The following PLA2G4C variants were observed in gnomAD, a reference collection of about 807,000 sequenced individuals.
PLA2G4C encodes cytosolic phospholipase A2 gamma.
PLA2G4C carries 64 observed loss-of-function variants against 73.8 expected under a neutral mutation model. That is an observed-to-expected ratio of 0.87 (90% CI 0.71 to 1.07). PLA2G4C has a LOEUF of 1.07. Among genes scored for constraint, PLA2G4C ranks in the 50% least tolerant of loss-of-function variants. The probability of loss-of-function intolerance (pLI) is 0.00; values close to 1 mark genes in which losing one functional copy is unlikely to be tolerated. For synonymous variants in PLA2G4C, 254 were observed against 252.1 expected (o/e 1.01, Z -0.07); for missense variants, 622 against 665.4 (o/e 0.93, Z 0.72).
At chr19:48,065,670 G>C (rs1349901225) in intron 13 of PLA2G4C, among the ~76,000 whole-genome samples, 2 of 152,066 alleles carry the variant, frequency 1.3e-5, no homozygotes, top group Non-Finnish European at 2.9e-5. Context: ...TTGGCTATTG[G>C]TTTAAAGAGT....
chr19:48,104,613 G>GGTA lies in PLA2G4C; in HGVS notation c.229_231dup (p.Tyr77dup). ...CAAGTGGATCCAGAGACCCCTGCGA[G>GGTA]GTACGTGACGGCATCCAACAGGCCC... is the stretch of plus-strand genomic sequence containing the variant. On this transcript the variant is annotated inframe_insertion, in exon 4 of 17. Coordinates refer to ENST00000599921, the MANE Select transcript of PLA2G4C (RefSeq NM_003706.3). The GGTA allele has an allele frequency of 6.2e-7, 1 of 1,614,068 alleles. No individual in the cohort carries two copies.
Position 48,087,529 on chromosome 19 carries a change from G to A in PLA2G4C, c.790+1157C>T, listed in dbSNP as rs527976435. ...TTCCTACAGATGAAAAGAGGTGCCCGTCTGATCTGAATAGCTGGAGCACTG... is the reference window on the plus strand; with the variant it reads ...TTCCTACAGATGAAAAGAGGTGCCCATCTGATCTGAATAGCTGGAGCACTG... On this transcript the variant is annotated intron_variant, in intron 9 of 16. Coordinates refer to ENST00000599921, the MANE Select transcript of PLA2G4C (RefSeq NM_003706.3). 1.3e-4 allele frequency among the ~76,000 whole-genome samples: 20 copies of A among 152,280 alleles called. No individual in the cohort carries two copies. The East Asian group carries it at 3.7e-3, about 28-fold the overall frequency.
At position 48,099,754 on chromosome 19, in the gene PLA2G4C, T is replaced by C; in HGVS notation, c.364A>G (p.Lys122Glu). ...QEWDLAKSLQKTIQAARSENY... is the reference protein window; with the variant it reads ...QEWDLAKSLQETIQAARSENY... Reference sequence around the variant, plus strand: ...TCAGACCTCGCTGCTTGGATGGTTTTCTGTAGGCTCTTAGCCAAGTCCCAC... The same window carrying C: ...TCAGACCTCGCTGCTTGGATGGTTTCCTGTAGGCTCTTAGCCAAGTCCCAC... Residue 122 changes from lysine to glutamate, a missense_variant, in exon 5 of 17, where the codon AAA becomes GAA. Physicochemically the swap from Lys to Glu is moderately conservative, Grantham distance 56 (BLOSUM62 1). Transcript: ENST00000599921. 1 of 1,614,132 alleles carries C rather than the reference T, an allele frequency of 6.2e-7. No individual in the cohort carries two copies.
At position 48,077,810 on chromosome 19, in the gene PLA2G4C, G is replaced by C. The variant is rs2030268403; in HGVS notation, c.859C>G (p.Leu287Val). The C allele has an allele frequency of 4.4e-6, 7 of 1,607,724 alleles. No individual in the cohort carries two copies. The highest frequency in any genetic ancestry group is 5.9e-6 in the Non-Finnish European group (7 of 1,177,240). ...GHLIFARLLR[L>V]QESSQGEHPP... ...TGTTCCCCTTGTGAACTTTCTTGCA[G>C]CCTCAGTAATCGGGCTGCAAAAGAG... The change falls in exon 11 of 17, where the codon CTG becomes GTG. Residue 287 changes from leucine (L) to valine (V), a missense_variant. Leu to Val is a conservative substitution (Grantham distance 32). Transcript: ENST00000599921.
chr19:48,105,471 C>A, intron 2 of PLA2G4C, 27 bp from the exon 3 acceptor site: 1 of 1,555,936 alleles, frequency 6.4e-7, no homozygotes, highest in South Asian at 1.1e-5. Context: ...ACAAAGAAGT[C>A]CAGAAAATTC....
At chr19:48,079,899 T>G (rs946761465) in intron 10 of PLA2G4C, among the ~76,000 whole-genome samples, 1 of 152,160 alleles carries the variant, frequency 6.6e-6, no homozygotes, top group African/African-American at 2.4e-5. Context: ...AGGCGGAGAT[T>G]GCAGTGAGCC....
chr19:48,097,292 G>A (rs1296706005), intron 6 of PLA2G4C, among the ~76,000 whole-genome samples: 21 of 123,196 alleles, frequency 1.7e-4, no homozygotes, highest in South Asian at 2.7e-4. Flanking sequence ...TTGCTCTGTC[G>A]CCCAGGCTGG....
intron 4 of PLA2G4C, among the ~76,000 whole-genome samples, chr19:48,102,321 T>A (rs2031962474): frequency 6.6e-6 from 1 of 151,606 alleles, no homozygotes; most frequent in Admixed American, 6.6e-5. Context: ...GGAAACTCCG[T>A]CTCTACTAAA....
rs1171271257 is a variant in PLA2G4C, at chr19:48,057,483, C to CTTTT, written c.1258-2438_1258-2435dup. Among the ~76,000 whole-genome samples the CTTTT allele has an allele frequency of 5.0e-3, 89 of 17,916 alleles. 12 individuals are homozygous for CTTTT. Among genetic ancestry groups the CTTTT allele is most frequent in the Non-Finnish European group, 8.4e-3 (78 of 9,306 alleles). The allele number at this position is 17,916 out of a possible 152,430, so 11.8% of individuals were successfully genotyped here. A position where few individuals can be genotyped will look rare whatever the true frequency, so the allele number is the denominator to read the frequency against. On this transcript the variant is annotated intron_variant, in intron 14 of 16. Coordinates refer to ENST00000599921, the MANE Select transcript of PLA2G4C (RefSeq NM_003706.3). ...TCTTCTTCTTCTTCTTCTTCTTCTT[C>CTTTT]TTTTTTTTTTTTTTTTTTTTTTTTT...
chr19:48,098,773 G>A (rs991103767), intron 5 of PLA2G4C, among the ~76,000 whole-genome samples: 3 of 140,356 alleles, frequency 2.1e-5, no homozygotes, highest in South Asian at 2.3e-4. Context: ...CCAGTGGTGC[G>A]TGCCTGTAGT....
intron 16 of PLA2G4C, among the ~76,000 whole-genome samples, chr19:48,048,641 G>C (rs1052673071): frequency 2.0e-5 from 3 of 152,106 alleles, no homozygotes; most frequent in African/African-American, 7.2e-5. Flanking sequence ...CAGGAGCTGG[G>C]CTAGGAGGTA....
intron 4 of PLA2G4C, among the ~76,000 whole-genome samples, chr19:48,103,046 T>TAC (rs1255081627): frequency 2.6e-5 from 4 of 152,108 alleles, no homozygotes; most frequent in African/African-American, 9.7e-5. Context: ...CTTTCGTTGT[T>TAC]GTTGTTTGTA....
At position 48,050,673 on chromosome 19, in the gene PLA2G4C, C is replaced by CTTTTTT. The variant is rs5828330; in HGVS notation, c.1581-2291_1581-2286dup. ...ATCCCTAGAGCCTGTGAGTATGTGA[C>CTTTTTT]TTTTTTTTTTTTTTTTTTTGAGACA... is the stretch of plus-strand genomic sequence containing the variant. On this transcript the variant is annotated intron_variant, in intron 16 of 16. Coordinates refer to ENST00000599921, the MANE Select transcript of PLA2G4C (RefSeq NM_003706.3). Among the ~76,000 whole-genome samples the CTTTTTT allele has an allele frequency of 1.3e-3, 102 of 78,740 alleles. 11 individuals are homozygous for CTTTTTT. Among genetic ancestry groups the CTTTTTT allele is most frequent in the Admixed American group, 2.7e-3 (13 of 4,812 alleles). The allele number at this position is 78,740 out of a possible 152,430, so 51.7% of individuals were successfully genotyped here.
rs5828330 is a variant in PLA2G4C, at chr19:48,050,673, C to CTTTTTTTTTTTTTTTT, written c.1581-2301_1581-2286dup. On this transcript the variant is annotated intron_variant, in intron 16 of 16. Coordinates refer to ENST00000599921, the MANE Select transcript of PLA2G4C (RefSeq NM_003706.3). Reference sequence around the variant, plus strand: ...ATCCCTAGAGCCTGTGAGTATGTGACTTTTTTTTTTTTTTTTTTTGAGACA... The same window carrying CTTTTTTTTTTTTTTTT: ...ATCCCTAGAGCCTGTGAGTATGTGACTTTTTTTTTTTTTTTTTTTTTTTTTTTTTTTTTTTGAGACA... Among the ~76,000 whole-genome samples, 470 of 78,696 alleles carry CTTTTTTTTTTTTTTTT rather than the reference C, an allele frequency of 6.0e-3. 125 individuals carry two copies. The highest frequency in any genetic ancestry group is 0.013 in the Middle Eastern group (1 of 80). 51.6% of individuals were successfully genotyped at this position (78,696 alleles called of 152,430 possible). A position where few individuals can be genotyped will look rare whatever the true frequency, so the allele number is the denominator to read the frequency against.
At chr19:48,070,628 C>A (rs991268126) in intron 12 of PLA2G4C, among the ~76,000 whole-genome samples, 16 of 152,014 alleles carry the variant, frequency 1.1e-4, no homozygotes, top group African/African-American at 3.9e-4. Context: ...TTATCCTCAG[C>A]AAACTAATGC....
rs377760857 is a variant in PLA2G4C, at chr19:48,086,119, G to A, written c.791-1007C>T. Among the ~76,000 whole-genome samples, 46 of 152,280 alleles carry A rather than the reference G, an allele frequency of 3.0e-4. No homozygotes were observed. In the East Asian group the frequency reaches 5.2e-3, roughly 17 times the overall value. ...TGAATGAAAAGCAAGCTGCAGACAC[G>A]TGTGCAGGACCCTGGCACATGGCTA... On this transcript the variant is annotated intron_variant, in intron 9 of 16. Transcript: ENST00000599921.
Position 48,090,412 on chromosome 19 carries a change from A to T in PLA2G4C, c.715T>A (p.Trp239Arg). The T allele has an allele frequency of 6.2e-7, 1 of 1,611,538 alleles. No individual in the cohort carries two copies. Among genetic ancestry groups the T allele is most frequent in the Non-Finnish European group, 8.5e-7 (1 of 1,177,624 alleles). The change falls in exon 8 of 17, where the codon TGG (tryptophan) becomes AGG (arginine). Residue 239 changes from tryptophan (W) to arginine (R), a missense_variant. Trp to Arg is a moderately radical substitution (Grantham distance 101). Transcript: ENST00000599921. ...TCAGTGTTACCAAGAGCACTTCCCC[A>T]TAAACCTGCCAAGAAAAGAGCAATA... ...ERDLTFLRGL[W>R]GSALGNTEVI...
intron 10 of PLA2G4C, among the ~76,000 whole-genome samples, chr19:48,083,265 A>G (rs1238952687): frequency 6.6e-6 from 1 of 152,122 alleles, no homozygotes; most frequent in East Asian, 1.9e-4. Flanking sequence ...CCAATCTTGT[A>G]TATTTGATGT....
intron 13 of PLA2G4C, among the ~76,000 whole-genome samples, chr19:48,062,522 A>T (rs747261935): frequency 1.3e-5 from 2 of 152,140 alleles, no homozygotes; most frequent in Non-Finnish European, 2.9e-5. Flanking sequence ...AGGCAGGAGG[A>T]TCACTTGAAC....
Sources: gnomAD v4.1 joint callset for allele counts (sites outside exome capture counted in the v4.1 genomes callset) on GRCh38, gnomAD v4.1.1 for gene constraint, MANE v1.5 for transcripts, NCBI Gene and HGNC (gene_info 2026-07-23, HGNC 2026-07-21) for gene names.